CHST10: variants seen among roughly 807,000 people sequenced by gnomAD.
CHST10 encodes HNK-1 sulfotransferase.
CHST10 carries 24 observed loss-of-function variants against 34.7 expected under a neutral mutation model. That is an observed-to-expected ratio of 0.69 (90% CI 0.50 to 0.97). The LOEUF is 0.97. CHST10 is among the 50% of genes least tolerant of loss of function. The probability of loss-of-function intolerance (pLI) is 0.00; values close to 1 mark genes in which losing one functional copy is unlikely to be tolerated. For missense variants in CHST10, 402 were observed against 452.1 expected (o/e 0.89, Z 1.00); for synonymous variants, 161 against 169.3 (o/e 0.95, Z 0.38).
At position 100,393,400 on chromosome 2, in the gene CHST10, G is replaced by A. The variant is rs988936126; in HGVS notation, c.916C>T (p.Pro306Ser). Residue 306 changes from proline to serine, a missense_variant, in exon 7 of 7, where the codon CCG becomes TCG. Transcript: ENST00000264249. Reference protein sequence around the residue: ...EAGIDHLVSYPTIPPGITVYN... With the variant: ...EAGIDHLVSYSTIPPGITVYN... ...ACGGTAATGCCCGGAGGGATAGTCG[G>A]GTATGACACCAGGTGGTCAATGCCA... is the stretch of plus-strand genomic sequence containing the variant. 6.2e-7 allele frequency: 1 copy of A among 1,614,078 alleles called. No individual in the cohort carries two copies. The highest frequency in any genetic ancestry group is 8.5e-7 in the Non-Finnish European group (1 of 1,180,030).
intron 5 of CHST10, among the ~76,000 whole-genome samples, chr2:100,397,044 C>T (rs1675093525): frequency 6.6e-6 from 1 of 152,178 alleles, no homozygotes; most frequent in South Asian, 2.1e-4. Context: ...GGAGTGACCA[C>T]CGACTCTGTG....
chr2:100,414,282 C>T (rs142488252), intron 2 of CHST10, among the ~76,000 whole-genome samples: 2 of 152,098 alleles, frequency 1.3e-5, no homozygotes, highest in African/African-American at 4.8e-5. Flanking sequence ...CCTTTACTGA[C>T]AACCTCACCT....
At chr2:100,415,162 AACTT>A in intron 1 of CHST10, 51 bp from the exon 2 acceptor site, 3 of 1,116,004 alleles carry the variant, frequency 2.7e-6, no homozygotes, top group East Asian at 5.9e-5. Context: ...TTACAAGATC[AACTT>A]ACTTAATACA....
Position 100,392,857 on chromosome 2 carries a change from GCC to G in CHST10, c.*386_*387del. 9 of 219,352 alleles carry G rather than the reference GCC, an allele frequency of 4.1e-5. No homozygotes were observed. Among genetic ancestry groups the G allele is most frequent in the South Asian group, 2.7e-4 (3 of 11,112 alleles). 13.6% of individuals were successfully genotyped at this position (219,352 alleles called of 1,614,324 possible). ...CTGCAACCCACCAGTGATGGGTGAA[GCC>G]ACCCTGACTAGCCAGGAGAACCTCA... On this transcript the variant is annotated 3_prime_UTR_variant, in exon 7 of 7. Transcript: ENST00000264249.
At position 100,415,444 on chromosome 2, in the gene CHST10, A is replaced by G. The variant is rs1676025393; in HGVS notation, c.-103-333T>C. On this transcript the variant is annotated intron_variant, in intron 1 of 6. Coordinates refer to ENST00000264249, the MANE Select transcript of CHST10 (RefSeq NM_004854.5). Reference sequence around the variant, plus strand: ...TATAGGATTCCTATACAAGATGATCAATTCTTCCAATGCAAAATGTTCTCT... The same window carrying G: ...TATAGGATTCCTATACAAGATGATCGATTCTTCCAATGCAAAATGTTCTCT... Among the ~76,000 whole-genome samples, 4 of 152,196 alleles carry G rather than the reference A, an allele frequency of 2.6e-5. No individual in the cohort carries two copies. The South Asian group carries it at 8.3e-4, about 31-fold the overall frequency.
chr2:100,398,900 G>GGT (rs1049240117), intron 4 of CHST10, among the ~76,000 whole-genome samples: 2 of 152,140 alleles, frequency 1.3e-5, no homozygotes, highest in Non-Finnish European at 2.9e-5. Flanking sequence ...AGATGTGCCA[G>GGT]TACACACAGA....
At chr2:100,409,321 T>C (rs1300849792) in intron 2 of CHST10, among the ~76,000 whole-genome samples, 1 of 152,218 alleles carries the variant, frequency 6.6e-6, no homozygotes, top group Non-Finnish European at 1.5e-5. Context: ...AATGAAGCCT[T>C]ACCTGAAAAT....
rs553961175 is a variant in CHST10 at position 100,397,835 on chromosome 2, C to T, written c.427+73G>A. 124 of 1,240,748 alleles carry T rather than the reference C, an allele frequency of 1.0e-4. No homozygotes were observed. In the African/African-American group the frequency reaches 1.6e-3, roughly 16 times the overall value. The allele number at this position is 1,240,748 out of a possible 1,614,324, so 76.9% of individuals were successfully genotyped here. On this transcript the variant is annotated intron_variant, in intron 5 of 6. Coordinates refer to ENST00000264249, the MANE Select transcript of CHST10 (RefSeq NM_004854.5). ...CCAGCCCTCTTGTGACTCCTCCTTG[C>T]TGTCCTCCCCAGCCTCCTCAGCACC...
intron 2 of CHST10, among the ~76,000 whole-genome samples, chr2:100,413,340 A>G (rs1165578616): frequency 6.6e-6 from 1 of 152,184 alleles, no homozygotes; most frequent in African/African-American, 2.4e-5. Context: ...CCTGACCCCT[A>G]GAATCTGCAT....
chr2:100,400,927 C>T (rs893585593), intron 4 of CHST10, among the ~76,000 whole-genome samples: 6 of 151,922 alleles, frequency 3.9e-5, no homozygotes, highest in East Asian at 2.0e-4. Context: ...GTGATCTGCC[C>T]GCCTCGGCCT....
In CHST10 at chr2:100,402,762, C is replaced by T. The variant is rs116373088; in HGVS notation, c.101-107G>A. On this transcript the variant is annotated intron_variant, in intron 3 of 6. Transcript: ENST00000264249. ...AGAAGCTCTCAAAGATGCCCAAATG[C>T]CTTTTGACAAAGCCATAAAAGCCAT... 3.1e-3 allele frequency: 2,872 copies of T among 934,462 alleles called. 62 individuals are homozygous for T. In the African/African-American group the frequency reaches 0.042, roughly 14 times the overall value. 57.9% of individuals were successfully genotyped at this position (934,462 alleles called of 1,614,324 possible).
intron 2 of CHST10, among the ~76,000 whole-genome samples, chr2:100,414,480 C>T (rs1675981611): frequency 6.6e-6 from 1 of 152,132 alleles, no homozygotes; most frequent in Non-Finnish European, 1.5e-5. Context: ...GACATTTCAC[C>T]ATCAACCCTG....
chr2:100,399,401 G>A (rs951226598), intron 4 of CHST10, among the ~76,000 whole-genome samples: 9 of 152,116 alleles, frequency 5.9e-5, no homozygotes, highest in Non-Finnish European at 1.3e-4. Context: ...CACCACGCCC[G>A]GCCATATCTA....
At chr2:100,416,872 G>A in intron 1 of CHST10, 1 of 885,060 alleles carries the variant, frequency 1.1e-6, no homozygotes, top group Non-Finnish European at 1.6e-6. Context: ...GTGCAGAACT[G>A]CATGCCTCAA....
In CHST10 at chr2:100,393,015, T is replaced by C. The variant is rs1242756950; in HGVS notation, c.*230A>G. Reference sequence around the variant, plus strand: ...CTGAGGTGAGCAAAGGCCAGCGACATCCTAATGCACGCAGGGGTGTGGGCA... The same window carrying C: ...CTGAGGTGAGCAAAGGCCAGCGACACCCTAATGCACGCAGGGGTGTGGGCA... On this transcript the variant is annotated 3_prime_UTR_variant, in exon 7 of 7. Coordinates refer to ENST00000264249, the MANE Select transcript of CHST10 (RefSeq NM_004854.5). 1.7e-6 allele frequency: 1 copy of C among 573,836 alleles called. No individual in the cohort carries two copies. Among genetic ancestry groups the C allele is most frequent in the Admixed American group, 3.0e-5 (1 of 33,096 alleles). The allele number at this position is 573,836 out of a possible 1,614,324, so 35.5% of individuals were successfully genotyped here. A position where few individuals can be genotyped will look rare whatever the true frequency, so the allele number is the denominator to read the frequency against.
Position 100,393,539 on chromosome 2 carries a change from G to A in CHST10, c.777C>T (p.His259=). ...HRWLDLQFGD[H]IIHWVTYVEL... is the part of the protein sequence containing the mutation. ...CTACATACGTCACCCAGTGAATGAT[G>A]TGGTCCCCAAACTGAAGGTCTAGCC... The change falls in exon 7 of 7, where the codon CAC becomes CAT. Residue 259 remains histidine, a synonymous_variant. Coordinates refer to ENST00000264249, the MANE Select transcript of CHST10 (RefSeq NM_004854.5). 1 of 1,614,078 alleles carries A rather than the reference G, an allele frequency of 6.2e-7. No individual in the cohort carries two copies. The highest frequency in any genetic ancestry group is 1.1e-5 in the South Asian group (1 of 91,060).
chr2:100,409,762 A>T (rs967120528), intron 2 of CHST10, among the ~76,000 whole-genome samples: 1 of 152,196 alleles, frequency 6.6e-6, no homozygotes, highest in Non-Finnish European at 1.5e-5. Context: ...CTCAACAATC[A>T]TGCAACTGAC....
At chr2:100,413,570 G>C (rs1331037428) in intron 2 of CHST10, among the ~76,000 whole-genome samples, 1 of 152,130 alleles carries the variant, frequency 6.6e-6, no homozygotes, top group East Asian at 1.9e-4. Flanking sequence ...TTAAATAAAA[G>C]ATAAATAGCA....
intron 6 of CHST10, among the ~76,000 whole-genome samples, chr2:100,395,018 C>T (rs1674988890): frequency 6.6e-6 from 1 of 152,176 alleles, no homozygotes; most frequent in African/African-American, 2.4e-5. Flanking sequence ...TGCGCCCAGC[C>T]TGGACTCCGT....
Sources: allele counts gnomAD v4.1 joint callset (sites outside exome capture counted in the v4.1 genomes callset), GRCh38; gene constraint gnomAD v4.1.1; transcripts MANE v1.5; gene names NCBI Gene and HGNC (gene_info 2026-07-23, HGNC 2026-07-21).